Variants in SLC19A1 observed in about 807,000 individuals in gnomAD.
SLC19A1 encodes solute carrier family 19 member 1.
A neutral mutation model predicts 35.3 loss-of-function variants in SLC19A1; 37 were observed. That is an observed-to-expected ratio of 1.05 (90% CI 0.81 to 1.38). SLC19A1 has a LOEUF of 1.38. Among genes scored for constraint, SLC19A1 ranks in the 40% most tolerant of loss-of-function variants. SLC19A1 has a pLI of 0.00. For missense variants in SLC19A1, 831 were observed against 826.9 expected (o/e 1.00, Z -0.06); for synonymous variants, 460 against 398.5 (o/e 1.15, Z -1.84).
chr21:45,525,764 T>C (rs2077588995), intron 5 of SLC19A1, 53 bp downstream of exon 5: 2 of 1,595,392 alleles, frequency 1.3e-6, no homozygotes, highest in South Asian at 2.2e-5. Flanking sequence ...GCCTCAACAA[T>C]GTCCCCACAA....
intron 3 of SLC19A1, chr21:45,507,006 A>C (rs1480064051): frequency 6.9e-6 from 2 of 289,796 alleles, no homozygotes; most frequent in African/African-American, 4.4e-5. Context: ...CCTAACTTTC[A>C]GGGGCTTTGG....
chr21:45,529,763 G>C (rs4819129), intron 4 of SLC19A1, among the ~76,000 whole-genome samples: 1 of 151,314 alleles, frequency 6.6e-6, no homozygotes, highest in Non-Finnish European at 1.5e-5. Flanking sequence ...GTGTAAGCAT[G>C]TGGTGTGTTC....
intron 4 of SLC19A1, among the ~76,000 whole-genome samples, chr21:45,529,961 C>T (rs535973678): frequency 7.0e-6 from 1 of 142,210 alleles, no homozygotes; most frequent in East Asian, 2.2e-4. Context: ...CATGGGTAAG[C>T]ATGTAGTGTG....
upstream of SLC19A1, chr21:45,544,064 G>C (rs1027945471): frequency 6.6e-6 from 1 of 152,394 alleles, no homozygotes; most frequent in Non-Finnish European, 1.5e-5. Flanking sequence ...CCCCCTTCCC[G>C]CCTGGAGACA....
chr21:45,510,928 C>G (rs2037540137), downstream of SLC19A1, among the ~76,000 whole-genome samples: 1 of 148,190 alleles, frequency 6.7e-6, no homozygotes. Flanking sequence ...AGAACCCCAC[C>G]CCCCAAAAAA....
chr21:45,503,611 GA>G (rs1428376302), intron 3 of SLC19A1, among the ~76,000 whole-genome samples: 1 of 130,862 alleles, frequency 7.6e-6, no homozygotes. Context: ...ACAGGAAGGG[GA>G]ACATCACACT....
chr21:45,544,993 G>A (rs904755156), upstream of SLC19A1, among the ~76,000 whole-genome samples: 11 of 152,254 alleles, frequency 7.2e-5, no homozygotes, highest in Admixed American at 7.2e-4. Context: ...TAGGGAGGCA[G>A]TGGCATTCGA....
At chr21:45,549,339 G>T (rs1164746004), upstream of SLC19A1, among the ~76,000 whole-genome samples, 1 of 152,092 alleles carries the variant, frequency 6.6e-6, no homozygotes, top group Non-Finnish European at 1.5e-5. Context: ...GAGGCTCGGG[G>T]TCAGTGGAAT....
At chr21:45,505,990 C>T (rs1478562410) in intron 3 of SLC19A1, 1 of 1,612,826 alleles carries the variant, frequency 6.2e-7, no homozygotes, top group African/African-American at 1.3e-5. Context: ...GTGACGGGTT[C>T]TGGACCCGTG....
upstream of SLC19A1, among the ~76,000 whole-genome samples, chr21:45,547,865 C>G (rs994085481): frequency 2.0e-5 from 3 of 152,202 alleles, no homozygotes; most frequent in African/African-American, 7.2e-5. Context: ...CATAGTTTGA[C>G]TCTTTTCATT....
intron 3 of SLC19A1, chr21:45,506,306 C>A (rs2037200772): frequency 6.2e-5 from 23 of 371,978 alleles, no homozygotes; most frequent in South Asian, 4.9e-4. Flanking sequence ...GGCAGGGGGG[C>A]TCAGGCCCTC....
chr21:45,503,698 A>G (rs993516852), intron 3 of SLC19A1, among the ~76,000 whole-genome samples: 7 of 151,574 alleles, frequency 4.6e-5, no homozygotes, highest in Non-Finnish European at 1.0e-4. Context: ...ATGACGAGTT[A>G]GTGGGTGCAG....
chr21:45,557,775 G>C (rs1248584109), intron 1 of SLC19A1, among the ~76,000 whole-genome samples: 1 of 152,218 alleles, frequency 6.6e-6, no homozygotes, highest in Non-Finnish European at 1.5e-5. Flanking sequence ...GCTTGTCCCG[G>C]CTCAGGCTGA....
At chr21:45,528,102 A>G (rs2077711922) in intron 4 of SLC19A1, among the ~76,000 whole-genome samples, 1 of 151,098 alleles carries the variant, frequency 6.6e-6, no homozygotes, top group Non-Finnish European at 1.5e-5. Context: ...GCTCGGGGGC[A>G]GGCAGGCAGG....
intron 3 of SLC19A1, chr21:45,504,059 G>A (rs1568939946): frequency 1.2e-6 from 2 of 1,613,606 alleles, no homozygotes; most frequent in South Asian, 2.2e-5. Context: ...ATGAAGGTGG[G>A]TGACCTCCCT....
Position 45,538,023 on chromosome 21 carries a change from G to T in SLC19A1, c.-49-15C>A. 7.3e-7 allele frequency: 1 copy of T among 1,362,752 alleles called. No homozygotes were observed. The highest frequency in any genetic ancestry group is 9.7e-7 in the Non-Finnish European group (1 of 1,028,866). 84.4% of individuals were successfully genotyped at this position (1,362,752 alleles called of 1,614,324 possible). On this transcript the variant is annotated splice_polypyrimidine_tract_variant and intron_variant, in intron 1 of 5. Coordinates refer to ENST00000311124, the MANE Select transcript of SLC19A1 (RefSeq NM_194255.4). ...TGACGCTGTGCCTGGAAGGAGGGGT[G>T]GAGTCAGGGCACCTTGGAAGATGGT...
intron 1 of SLC19A1, among the ~76,000 whole-genome samples, chr21:45,561,080 AC>A (rs1169246647): frequency 6.6e-6 from 1 of 152,208 alleles, no homozygotes; most frequent in Non-Finnish European, 1.5e-5. Context: ...TGCCTTGCGA[AC>A]CACAGTATTT....
At position 45,514,265 on chromosome 21, in the gene SLC19A1, C is replaced by CCCA. The variant is rs908562993; in HGVS notation, c.*1392_*1393insTGG. 4.0e-5 allele frequency: 6 copies of CCCA among 149,094 alleles called. No individual in the cohort carries two copies. Among genetic ancestry groups the CCCA allele is most frequent in the South Asian group, 4.4e-4 (2 of 4,592 alleles). 9.2% of individuals were successfully genotyped at this position (149,094 alleles called of 1,614,324 possible). On this transcript the variant is annotated 3_prime_UTR_variant, in exon 6 of 6. Coordinates refer to ENST00000311124, the MANE Select transcript of SLC19A1 (RefSeq NM_194255.4). ...GGAAATGGCTGGTGCAGACCCCCCCCCAAGCAGGGTCCCCAGGGTGGCCAT... is the reference window on the plus strand; with the variant it reads ...GGAAATGGCTGGTGCAGACCCCCCCCCCACAAGCAGGGTCCCCAGGGTGGCCAT...
intron 5 of SLC19A1, among the ~76,000 whole-genome samples, chr21:45,524,852 A>G (rs1453018650): frequency 6.5e-4 from 65 of 100,486 alleles, no homozygotes; most frequent in African/African-American, 1.2e-3. Flanking sequence ...AGGCTCACCC[A>G]CCCTAAGCGT....
Sources: gnomAD v4.1 joint callset for allele counts (sites outside exome capture counted in the v4.1 genomes callset) on GRCh38, gnomAD v4.1.1 for gene constraint, MANE v1.5 for transcripts, NCBI Gene and HGNC (gene_info 2026-07-23, HGNC 2026-07-21) for gene names.